Variants in KIF1B observed in about 807,000 individuals in gnomAD.
The protein encoded by KIF1B is kinesin-like protein KIF1B.
A neutral mutation model predicts 241.9 loss-of-function variants in KIF1B; 76 were observed. The ratio of observed to expected loss-of-function variants is 0.31; its 90% CI spans 0.26 to 0.38. The LOEUF is 0.38. KIF1B is among the 10% of genes least tolerant of loss of function. KIF1B has a pLI of 1.00. For synonymous variants in KIF1B, 750 were observed against 796.7 expected, an observed-to-expected ratio of 0.94 and a Z score of 0.99; for missense variants, 1,622 against 2,271.4, an observed-to-expected ratio of 0.71 and a Z score of 5.81.
intron 20 of KIF1B, 69 bp downstream of exon 20, chr1:10,296,734 G>A: frequency 1.4e-6 from 2 of 1,479,736 alleles, no homozygotes; most frequent in South Asian, 2.3e-5. Flanking sequence ...CTAATTTTTG[G>A]CTGTTTAAAG....
In KIF1B at chr1:10,375,449, G is replaced by C; in HGVS notation, c.5408+76G>C. The stretch of plus-strand genomic sequence containing the variant: ...TTTCTCCCTGAAGTGCAGTGGCTTG[G>C]TCTTGGCTCACTGCAACCTCCGCCC... On this transcript the variant is annotated intron_variant, in intron 48 of 48. Coordinates refer to ENST00000676179, the MANE Select transcript of KIF1B (RefSeq NM_001365951.3). 3 of 1,254,084 alleles carry C rather than the reference G, an allele frequency of 2.4e-6. No individual in the cohort carries two copies. The South Asian group carries it at 3.6e-5, about 15-fold the overall frequency. 77.7% of individuals were successfully genotyped at this position (1,254,084 alleles called of 1,614,324 possible). A position where few individuals can be genotyped will look rare whatever the true frequency, so the allele number is the denominator to read the frequency against.
At chr1:10,279,207 T>G (rs1237580586) in intron 14 of KIF1B, 69 bp downstream of exon 14, 10 of 1,035,904 alleles carry the variant, frequency 9.7e-6, no homozygotes, top group Admixed American at 4.1e-5. Flanking sequence ...GGATCAGCCT[T>G]AAAATAAGCT....
chr1:10,348,513 T>C (rs1265931974), intron 36 of KIF1B, 136 bp from the exon 37 acceptor site: 2 of 716,108 alleles, frequency 2.8e-6, no homozygotes, highest in African/African-American at 3.5e-5. Flanking sequence ...AATAACAATG[T>C]GGATAGCATT....
chr1:10,376,042 A>T (rs1298465387), intron 48 of KIF1B, among the ~76,000 whole-genome samples: 1 of 151,446 alleles, frequency 6.6e-6, no homozygotes, highest in Non-Finnish European at 1.5e-5. Context: ...ACCTCAGGTG[A>T]TCCACCCTCC....
chr1:10,225,299 CA>C (rs1428692111), intron 1 of KIF1B, among the ~76,000 whole-genome samples: 1 of 151,906 alleles, frequency 6.6e-6, no homozygotes, highest in Non-Finnish European at 1.5e-5. Flanking sequence ...TCTGGGTGGA[CA>C]GAGTGAGGCC....
intron 1 of KIF1B, among the ~76,000 whole-genome samples, chr1:10,212,858 AT>A (rs1375968711): frequency 6.9e-6 from 1 of 144,396 alleles, no homozygotes; most frequent in Non-Finnish European, 1.5e-5. Flanking sequence ...AAAAATGTGT[AT>A]ATATATATGT....
intron 2 of KIF1B, among the ~76,000 whole-genome samples, chr1:10,255,970 T>G (rs1005233642): frequency 1.3e-4 from 20 of 151,904 alleles, no homozygotes; most frequent in Non-Finnish European, 2.2e-4. Flanking sequence ...TTGTTGTTTT[T>G]TTTTTTTTTG....
intron 5 of KIF1B, among the ~76,000 whole-genome samples, chr1:10,267,169 C>T (rs1648511792): frequency 6.6e-6 from 1 of 152,078 alleles, no homozygotes; most frequent in South Asian, 2.1e-4. Context: ...CAGGCATGTG[C>T]CACCACGCCT....
At chr1:10,334,482 G>C (rs1418377037) in intron 27 of KIF1B, 38 bp from the exon 28 acceptor site, 4 of 1,436,444 alleles carry the variant, frequency 2.8e-6, no homozygotes, top group Non-Finnish European at 3.9e-6. Flanking sequence ...ATCTCTCCAT[G>C]GATGTTCTGA....
In KIF1B at chr1:10,380,743, G is replaced by A. The variant is rs1639001317; in HGVS notation, c.*4156G>A. 4.6e-6 allele frequency: 1 copy of A among 215,344 alleles called. No homozygotes were observed. The highest frequency in any genetic ancestry group is 9.4e-6 in the Non-Finnish European group (1 of 106,548). The allele number at this position is 215,344 out of a possible 1,614,324, so 13.3% of individuals were successfully genotyped here. A position where few individuals can be genotyped will look rare whatever the true frequency, so the allele number is the denominator to read the frequency against. On this transcript the variant is annotated 3_prime_UTR_variant, in exon 49 of 49. Transcript: ENST00000676179. Reference sequence around the variant, plus strand: ...AAGATTCATGATGCTGCTGCTCCCAGAAGGTTTGCTGGATGTGTTTACATA... The same window carrying A: ...AAGATTCATGATGCTGCTGCTCCCAAAAGGTTTGCTGGATGTGTTTACATA...
In KIF1B at chr1:10,337,656, C is replaced by T; in HGVS notation, c.3422+123C>T. On this transcript the variant is annotated intron_variant, in intron 31 of 48. Transcript: ENST00000676179. The surrounding 1 kb of genome is among the most constrained non-coding windows in gnomAD (Gnocchi z 4.0). ...TCTTGAGACAAAGACTGATCAGTCT[C>T]TGAAGGAAAATACTTTCATCACTCC... The T allele has an allele frequency of 9.0e-7, 1 of 1,107,812 alleles. No individual in the cohort carries two copies. The highest frequency in any genetic ancestry group is 2.4e-5 in the East Asian group (1 of 42,186). The allele number at this position is 1,107,812 out of a possible 1,614,324, so 68.6% of individuals were successfully genotyped here.
intron 22 of KIF1B, among the ~76,000 whole-genome samples, chr1:10,314,314 A>C (rs1651208682): frequency 6.6e-6 from 1 of 151,628 alleles, no homozygotes. Context: ...TCCTTTTTAA[A>C]AGCTCGTAAG....
chr1:10,279,143 G>T lies in KIF1B; in HGVS notation c.1222+5G>T. 6.6e-7 allele frequency: 1 copy of T among 1,522,644 alleles called. No individual in the cohort carries two copies. Among genetic ancestry groups the T allele is most frequent in the Non-Finnish European group, 8.9e-7 (1 of 1,125,546 alleles). 94.3% of individuals were successfully genotyped at this position (1,522,644 alleles called of 1,614,324 possible). A position where few individuals can be genotyped will look rare whatever the true frequency, so the allele number is the denominator to read the frequency against. ...ACTCTGGAAGTGGAAGCAAATGTGT[G>T]TATTTCACATATTGGTTATTTCCAG... On this transcript the variant is annotated splice_donor_5th_base_variant and intron_variant, in intron 14 of 48. Coordinates refer to ENST00000676179, the MANE Select transcript of KIF1B (RefSeq NM_001365951.3).
Position 10,374,355 on chromosome 1 carries a change from A to G in KIF1B, c.4986A>G (p.Pro1662=). Residue 1662 remains proline, a synonymous_variant, in exon 46 of 49, where the codon CCA becomes CCG. Coordinates refer to ENST00000676179, the MANE Select transcript of KIF1B (RefSeq NM_001365951.3). This position sits in a 1 kb window ranked among gnomAD's most constrained non-coding sequence, Gnocchi z 4.3. ...EANSRASSPC[P]EFEQFQIVPA... ...ATTCCCGGGCCTCTAGTCCCTGCCC[A>G]GAATTTGAACAGTTTCAGATTGTCC... 6.2e-7 allele frequency: 1 copy of G among 1,614,186 alleles called. No individual in the cohort carries two copies. The highest frequency in any genetic ancestry group is 1.6e-4 in the Middle Eastern group (1 of 6,062).
At chr1:10,352,790 A>G (rs1026805986) in intron 38 of KIF1B, 54 bp downstream of exon 38, 6 of 1,273,088 alleles carry the variant, frequency 4.7e-6, no homozygotes, top group Non-Finnish European at 6.9e-6. Context: ...GTTAATTGGT[A>G]CACCGTTAGG....
At chr1:10,329,515 A>G (rs985720180) in intron 27 of KIF1B, among the ~76,000 whole-genome samples, 2 of 152,158 alleles carry the variant, frequency 1.3e-5, no homozygotes, top group African/African-American at 4.8e-5. Context: ...TGGGCAGATC[A>G]TGAGGTCAAG....
At chr1:10,267,967 G>A (rs1322842147) in intron 6 of KIF1B, among the ~76,000 whole-genome samples, 185 bp from the exon 7 acceptor site, 1 of 152,202 alleles carries the variant, frequency 6.6e-6, no homozygotes, top group Non-Finnish European at 1.5e-5. Context: ...GAATTGGAGA[G>A]TAACTTGATG....
intron 1 of KIF1B, among the ~76,000 whole-genome samples, chr1:10,212,362 T>C (rs1358988872): frequency 1.3e-5 from 2 of 152,226 alleles, no homozygotes; most frequent in Admixed American, 1.3e-4. Flanking sequence ...ATGTATTGTT[T>C]GAAGGTGGAA....
intron 38 of KIF1B, among the ~76,000 whole-genome samples, chr1:10,358,532 A>G (rs1203985594): frequency 6.6e-6 from 1 of 152,104 alleles, no homozygotes; most frequent in Non-Finnish European, 1.5e-5. Flanking sequence ...CGCCCCTTCT[A>G]GGTACTTTGA....
Sources: gnomAD v4.1 joint callset for allele counts (sites outside exome capture counted in the v4.1 genomes callset) on GRCh38, gnomAD v4.1.1 for gene constraint, Gnocchi (gnomAD v3.1) non-coding constraint, MANE v1.5 for transcripts, NCBI Gene and HGNC (gene_info 2026-07-23, HGNC 2026-07-21) for gene names.